EPN2: variants seen among roughly 807,000 people sequenced by gnomAD.
EPN2 encodes the protein epsin-2.
A neutral mutation model predicts 61.7 loss-of-function variants in EPN2; 34 were observed. That is an observed-to-expected ratio of 0.55 (90% CI 0.42 to 0.73). The LOEUF (loss-of-function observed/expected upper bound fraction) is 0.73, where lower values mean the gene tolerates loss of function less well. Ranked by LOEUF, EPN2 falls within the 30% of genes least tolerant of loss-of-function variation. EPN2 has a pLI of 0.00. For synonymous variants in EPN2, 349 were observed against 353.6 expected (o/e 0.99, Z 0.15); for missense variants, 714 against 839.2 (o/e 0.85, Z 1.84).
At chr17:19,302,747 G>A (rs924186451) in intron 4 of EPN2, among the ~76,000 whole-genome samples, 5 of 152,206 alleles carry the variant, frequency 3.3e-5, no homozygotes, top group South Asian at 2.1e-4. Flanking sequence ...ACCCCTGGCC[G>A]TGGAAAAATT....
At position 19,284,326 on chromosome 17, in the gene EPN2, G is replaced by A. The variant is rs1379916750; in HGVS notation, c.595+612G>A. Among the ~76,000 whole-genome samples, 3 of 152,162 alleles carry A rather than the reference G, an allele frequency of 2.0e-5. No homozygotes were observed. In the East Asian group the frequency reaches 5.8e-4, roughly 29 times the overall value. ...TGGTTTTGCATGTTGGATTAATTTG[G>A]GTCTTTGCCTTATGGTCAGAAGAGG... On this transcript the variant is annotated intron_variant, in intron 3 of 10. Coordinates refer to ENST00000314728, the MANE Select transcript of EPN2 (RefSeq NM_014964.5).
At chr17:19,253,141 A>T (rs533224770) in intron 1 of EPN2, among the ~76,000 whole-genome samples, 1 of 152,308 alleles carries the variant, frequency 6.6e-6, no homozygotes, top group South Asian at 2.1e-4. Context: ...CAATTTCCCC[A>T]GCCCCTGGTA....
chr17:19,252,725 C>T (rs903807969), intron 1 of EPN2, among the ~76,000 whole-genome samples: 9 of 152,188 alleles, frequency 5.9e-5, no homozygotes, highest in African/African-American at 2.2e-4. Context: ...GGGTCTTGCT[C>T]TGGCCCCAGA....
intron 7 of EPN2, among the ~76,000 whole-genome samples, chr17:19,322,662 C>A (rs979180736): frequency 6.6e-6 from 1 of 151,312 alleles, no homozygotes; most frequent in South Asian, 2.1e-4. Context: ...ATCCCTTGAG[C>A]CTAGGAGGTT....
chr17:19,291,016 C>T (rs1353172077), intron 4 of EPN2, among the ~76,000 whole-genome samples: 3 of 152,256 alleles, frequency 2.0e-5, no homozygotes, highest in East Asian at 1.9e-4. Context: ...GGCTGCTCCT[C>T]TCACACCCCA....
chr17:19,293,212 T>C (rs1223019363), intron 4 of EPN2, among the ~76,000 whole-genome samples: 1 of 151,946 alleles, frequency 6.6e-6, no homozygotes, highest in Non-Finnish European at 1.5e-5. Context: ...AACCCATCTC[T>C]ACTAAAAATA....
rs2045271089 is a variant in EPN2 at position 19,273,075 on chromosome 17, A to G, written c.-293-8880A>G. 3 of 152,228 alleles carry G rather than the reference A, an allele frequency of 2.0e-5. No individual in the cohort carries two copies. The South Asian group carries it at 6.2e-4, about 31-fold the overall frequency. The allele number at this position is 152,228 out of a possible 1,614,324, so 9.4% of individuals were successfully genotyped here. A position where few individuals can be genotyped will look rare whatever the true frequency, so the allele number is the denominator to read the frequency against. On this transcript the variant is annotated intron_variant, in intron 1 of 10. Coordinates refer to ENST00000314728, the MANE Select transcript of EPN2 (RefSeq NM_014964.5). ...TTTCTGCTTTTAGAAAATTGAGTAC[A>G]TATCAAGTTCTAGGAGGCCAAGTGA...
chr17:19,289,085 T>G (rs1451365740), intron 4 of EPN2, among the ~76,000 whole-genome samples: 14 of 137,212 alleles, frequency 1.0e-4, no homozygotes, highest in Non-Finnish European at 1.6e-4. Context: ...TTTTTTTTTT[T>G]TTTTTTTTTT....
intron 7 of EPN2, among the ~76,000 whole-genome samples, chr17:19,326,966 C>G (rs1243205140): frequency 6.6e-6 from 1 of 152,080 alleles, no homozygotes; most frequent in Admixed American, 6.6e-5. Context: ...CAGGGAAATG[C>G]ACATCAAAAC....
intron 7 of EPN2, among the ~76,000 whole-genome samples, chr17:19,313,959 C>G (rs1906266749): frequency 6.6e-6 from 1 of 152,136 alleles, no homozygotes; most frequent in Non-Finnish European, 1.5e-5. Flanking sequence ...CTGGGAGGCC[C>G]CTCCTGGTGT....
chr17:19,285,115 CA>C lies in EPN2; in HGVS notation c.596-503del. On this transcript the variant is annotated intron_variant, in intron 3 of 10. Coordinates refer to ENST00000314728, the MANE Select transcript of EPN2 (RefSeq NM_014964.5). This position sits in a 1 kb window ranked among gnomAD's most constrained non-coding sequence, Gnocchi z 4.5. The stretch of plus-strand genomic sequence containing the variant: ...GGCTCTCTTTGGATTGAGTTGGTCC[CA>C]ACCTGCCTTGACTTCCTCTGTCCCT... Among the ~76,000 whole-genome samples the C allele has an allele frequency of 6.6e-6, 1 of 152,216 alleles. No homozygotes were observed. Among genetic ancestry groups the C allele is most frequent in the East Asian group, 1.9e-4 (1 of 5,200 alleles).
chr17:19,281,082 C>T (rs897921417), intron 1 of EPN2, among the ~76,000 whole-genome samples: 7 of 152,202 alleles, frequency 4.6e-5, no homozygotes, highest in African/African-American at 1.7e-4. Flanking sequence ...ACCTCAGTGC[C>T]ACCGTTCAGG....
At chr17:19,267,776 C>T (rs1274194118) in intron 1 of EPN2, among the ~76,000 whole-genome samples, 2 of 151,922 alleles carry the variant, frequency 1.3e-5, no homozygotes, top group Admixed American at 6.6e-5. Context: ...CTCCTGACCT[C>T]GTGATCCACC....
chr17:19,331,183 A>G lies in EPN2; in HGVS notation c.1412-670A>G, dbSNP rs144248786. On this transcript the variant is annotated intron_variant, in intron 9 of 10. Coordinates refer to ENST00000314728, the MANE Select transcript of EPN2 (RefSeq NM_014964.5). ...CTTTATATGGCTCAGCAACAATTCA[A>G]TAATTTGGGGGAGGACATTTTAGGT... Among the ~76,000 whole-genome samples the G allele has an allele frequency of 4.0e-3, 610 of 152,330 alleles. 14 individuals are homozygous for G. The highest frequency in any genetic ancestry group is 0.032 in the Admixed American group (496 of 15,302).
intron 1 of EPN2, among the ~76,000 whole-genome samples, chr17:19,253,397 T>C (rs2045036095): frequency 6.6e-6 from 1 of 150,750 alleles, no homozygotes; most frequent in Admixed American, 6.6e-5. Flanking sequence ...CATTTGGCTA[T>C]TGTAAATAGT....
At chr17:19,329,097 C>A in intron 8 of EPN2, 2 of 515,298 alleles carry the variant, frequency 3.9e-6, no homozygotes, top group Non-Finnish European at 6.8e-6. Context: ...GCTGGTACCT[C>A]CCTCCAAATT....
Position 19,283,130 on chromosome 17 carries a change from C to T in EPN2, c.11C>T (p.Ser4Leu). The T allele has an allele frequency of 6.2e-6, 10 of 1,605,402 alleles. No individual in the cohort carries two copies. Among genetic ancestry groups the T allele is most frequent in the Middle Eastern group, 1.7e-4 (1 of 6,022 alleles). Residue 4 changes from serine (S) to leucine (L), a missense_variant, in exon 3 of 11, where the codon TCG (serine) becomes TTG (leucine). By Grantham distance (145) the Ser-to-Leu change is moderately radical (BLOSUM62 -2). Transcript: ENST00000314728. The surrounding 1 kb of genome is among the most constrained non-coding windows in gnomAD (Gnocchi z 7.0). ...ACAAAGAAAATAAAAATGACGACTT[C>T]GTCTATCAGACGGCAGATGAAAAAC... The part of the protein sequence containing the change: MTT[S>L]SIRRQMKNIV...
intron 7 of EPN2, among the ~76,000 whole-genome samples, chr17:19,321,972 G>C (rs987992486): frequency 1.3e-5 from 2 of 152,230 alleles, no homozygotes; most frequent in African/African-American, 2.4e-5. Flanking sequence ...TCCTGTTGCA[G>C]GGGGTTAGAG....
intron 4 of EPN2, among the ~76,000 whole-genome samples, chr17:19,295,752 A>G (rs1178512858): frequency 2.0e-5 from 3 of 152,076 alleles, no homozygotes. Context: ...AAATCTCCCA[A>G]AATGTCCCAA....
Sources: allele counts gnomAD v4.1 joint callset (sites outside exome capture counted in the v4.1 genomes callset), GRCh38; gene constraint gnomAD v4.1.1; non-coding constraint Gnocchi (gnomAD v3.1); transcripts MANE v1.5; gene names NCBI Gene and HGNC (gene_info 2026-07-23, HGNC 2026-07-21).